FBXO36: variants seen among roughly 807,000 people sequenced by gnomAD.
The protein encoded by FBXO36 is F-box protein 36.
A neutral mutation model predicts 17.0 loss-of-function variants in FBXO36; 18 were observed. The observed-to-expected ratio is 1.06, with a 90% CI of 0.73 to 1.57. The LOEUF is 1.57. Ranked by LOEUF, FBXO36 falls within the 40% of genes most tolerant of loss-of-function variation. FBXO36 has a pLI of 0.00. For synonymous variants in FBXO36, 83 were observed against 85.3 expected (o/e 0.97, Z 0.15); for missense variants, 229 against 221.9 (o/e 1.03, Z -0.20).
At chr2:229,938,915 A>G (rs2076981734) in intron 1 of FBXO36, among the ~76,000 whole-genome samples, 1 of 142,864 alleles carries the variant, frequency 7.0e-6, no homozygotes, top group African/African-American at 2.6e-5. Flanking sequence ...ACCCGCCATC[A>G]TGCCCCGCCA....
At chr2:229,985,479 C>G (rs1254118997) in intron 2 of FBXO36, among the ~76,000 whole-genome samples, 4 of 152,082 alleles carry the variant, frequency 2.6e-5, no homozygotes, top group Admixed American at 6.6e-5. Context: ...ACTAACACCT[C>G]TTACAACACT....
intron 1 of FBXO36, among the ~76,000 whole-genome samples, chr2:229,924,093 T>C (rs2076888382): frequency 6.6e-6 from 1 of 151,332 alleles, no homozygotes; most frequent in Non-Finnish European, 1.5e-5. Context: ...TTTTAAGATT[T>C]GTTTGTTTAT....
chr2:229,962,229 T>C (rs1422033157), intron 1 of FBXO36, among the ~76,000 whole-genome samples: 4 of 152,068 alleles, frequency 2.6e-5, no homozygotes, highest in Non-Finnish European at 4.4e-5. Flanking sequence ...TTTTAGGTAT[T>C]TTATTGTTTT....
chr2:230,005,719 G>A (rs1021710140), intron 3 of FBXO36, among the ~76,000 whole-genome samples: 8 of 152,122 alleles, frequency 5.3e-5, no homozygotes, highest in Non-Finnish European at 1.2e-4. Context: ...TCAGGTCGGA[G>A]TGCAGTGGCA....
At chr2:230,005,115 C>T (rs1302582952) in intron 3 of FBXO36, among the ~76,000 whole-genome samples, 1 of 151,926 alleles carries the variant, frequency 6.6e-6, no homozygotes, top group Non-Finnish European at 1.5e-5. Context: ...ATTTATTTTC[C>T]TGAGACAGGG....
intron 1 of FBXO36, among the ~76,000 whole-genome samples, chr2:229,957,306 G>A (rs946732868): frequency 3.3e-5 from 5 of 152,206 alleles, no homozygotes; most frequent in African/African-American, 1.2e-4. Flanking sequence ...GCCGGGCACG[G>A]TGGCTCATGC....
intron 2 of FBXO36, among the ~76,000 whole-genome samples, chr2:229,988,184 G>C (rs2077278751): frequency 6.6e-6 from 1 of 151,986 alleles, no homozygotes; most frequent in Non-Finnish European, 1.5e-5. Context: ...ATTACATGTG[G>C]TCAGAGAATC....
At chr2:229,939,567 C>T (rs1031135717) in intron 1 of FBXO36, among the ~76,000 whole-genome samples, 1 of 151,872 alleles carries the variant, frequency 6.6e-6, no homozygotes, top group African/African-American at 2.4e-5. Flanking sequence ...GCTGAGATGG[C>T]GCCACTGCAC....
At position 230,011,601 on chromosome 2, in the gene FBXO36, T is replaced by TC. The variant is rs1553813015; in HGVS notation, c.*717_*718insC. The stretch of plus-strand genomic sequence containing the variant: ...CTATAAACATTTCTTTTCTTTTCTT[T>TC]TTTTTTTTTTTTTTGTATTTTCTTT... On this transcript the variant is annotated 3_prime_UTR_variant, in exon 4 of 4. Transcript: ENST00000283946. The TC allele has an allele frequency of 7.4e-5, 11 of 147,936 alleles. No individual in the cohort carries two copies. The highest frequency in any genetic ancestry group is 1.5e-4 in the Non-Finnish European group (10 of 66,868). 9.2% of individuals were successfully genotyped at this position (147,936 alleles called of 1,614,324 possible).
At chr2:229,961,461 C>T (rs1577342729) in intron 1 of FBXO36, among the ~76,000 whole-genome samples, 1 of 151,982 alleles carries the variant, frequency 6.6e-6, no homozygotes, top group Non-Finnish European at 1.5e-5. Flanking sequence ...CTGCAACCTC[C>T]GCCTCCCAGG....
intron 2 of FBXO36, among the ~76,000 whole-genome samples, chr2:229,996,276 A>T (rs976545947): frequency 6.6e-6 from 1 of 152,068 alleles, no homozygotes; most frequent in Non-Finnish European, 1.5e-5. Flanking sequence ...TAAAAAAAAA[A>T]AAAATAAGTT....
chr2:229,962,190 T>A lies in FBXO36; in HGVS notation c.97-14051T>A, dbSNP rs1057373274. Among the ~76,000 whole-genome samples the A allele has an allele frequency of 3.5e-4, 53 of 151,550 alleles. 1 individual carries two copies. The highest frequency in any genetic ancestry group is 1.2e-3 in the African/African-American group (51 of 41,286). On this transcript the variant is annotated intron_variant, in intron 1 of 3. Transcript: ENST00000283946. ...AGAGTATCTCAAAAAAAAAAAAAAA[T>A]TAGGTTTTATACTCCTTATGTTATT...
intron 3 of FBXO36, among the ~76,000 whole-genome samples, chr2:230,001,443 G>A (rs1027448683): frequency 2.6e-5 from 4 of 151,444 alleles, no homozygotes; most frequent in Admixed American, 1.3e-4. Flanking sequence ...ACCCACCACT[G>A]TGCCTGGCTA....
intron 1 of FBXO36, among the ~76,000 whole-genome samples, chr2:229,969,821 G>T (rs1013426061): frequency 7.2e-5 from 11 of 152,148 alleles, no homozygotes; most frequent in Admixed American, 7.2e-4. Context: ...ATCTGACAGA[G>T]GATTAGTATT....
At chr2:229,981,148 T>G (rs1347163166) in intron 2 of FBXO36, among the ~76,000 whole-genome samples, 1 of 152,112 alleles carries the variant, frequency 6.6e-6, no homozygotes, top group Non-Finnish European at 1.5e-5. Flanking sequence ...TCCTCATCCT[T>G]AACTGGAGAT....
Position 230,010,792 on chromosome 2 carries a change from A to G in FBXO36, c.475A>G (p.Arg159Gly), listed in dbSNP as rs1402776882. 6.2e-7 allele frequency: 1 copy of G among 1,613,984 alleles called. No individual in the cohort carries two copies. The highest frequency in any genetic ancestry group is 2.2e-5 in the East Asian group (1 of 44,886). The change falls in exon 4 of 4, where the codon AGA becomes GGA. Residue 159 changes from arginine to glycine, a missense_variant. By Grantham distance (125) the Arg-to-Gly change is moderately radical (BLOSUM62 -2). Transcript: ENST00000283946. ...VRALAEDTGW[R>G]QLFFTNKLQL... The stretch of plus-strand genomic sequence containing the variant: ...GGCCCTGGCGGAGGACACAGGCTGG[A>G]GACAGCTGTTCTTCACCAACAAGCT...
Position 229,922,588 on chromosome 2 carries a change from G to T in FBXO36, c.75G>T (p.Gln25His). The T allele has an allele frequency of 6.2e-7, 1 of 1,614,096 alleles. No homozygotes were observed. The highest frequency in any genetic ancestry group is 1.1e-5 in the South Asian group (1 of 91,074). Residue 25 changes from glutamine to histidine, a missense_variant, in exon 1 of 4, where the codon CAG becomes CAT. Transcript: ENST00000283946. ...CGCCGCCTAGCAAAGACTATTACCAGTTACTGGTCACCCGGTCTCAGGCAA... is the reference window on the plus strand; with the variant it reads ...CGCCGCCTAGCAAAGACTATTACCATTTACTGGTCACCCGGTCTCAGGCAA... The part of the protein sequence containing the change: ...QGPPPSKDYY[Q>H]LLVTRSQVIF...
intron 1 of FBXO36, among the ~76,000 whole-genome samples, chr2:229,956,642 C>T (rs920376658): frequency 6.6e-6 from 1 of 152,160 alleles, no homozygotes; most frequent in African/African-American, 2.4e-5. Context: ...GTAAGTCAGT[C>T]TCCCTACATG....
At chr2:229,922,869 C>T (rs569773423) in intron 1 of FBXO36, among the ~76,000 whole-genome samples, 1 of 152,314 alleles carries the variant, frequency 6.6e-6, no homozygotes, top group East Asian at 1.9e-4. Context: ...TTCCCGCCAC[C>T]CCGGCTTCTT....
Sources: gnomAD v4.1 joint callset for allele counts (sites outside exome capture counted in the v4.1 genomes callset) on GRCh38, gnomAD v4.1.1 for gene constraint, MANE v1.5 for transcripts, NCBI Gene and HGNC (gene_info 2026-07-23, HGNC 2026-07-21) for gene names.